Variants in TBX20 observed in about 807,000 individuals in gnomAD.
TBX20 encodes T-box transcription factor 20.
Under a neutral mutation model 42.9 loss-of-function variants are expected in TBX20, and 8 were observed. The ratio of observed to expected loss-of-function variants is 0.19; its 90% CI spans 0.11 to 0.34. The LOEUF (loss-of-function observed/expected upper bound fraction) is 0.34. Among genes scored for constraint, TBX20 ranks in the 10% least tolerant of loss-of-function variants. The pLI, the probability that TBX20 is intolerant of heterozygous loss-of-function variation, is 1.00. For missense variants in TBX20, 411 were observed against 566.0 expected (o/e 0.73, Z 2.78); for synonymous variants, 198 against 222.8 (o/e 0.89, Z 0.99).
At chr7:35,239,591 T>C (rs1196504096) in intron 5 of TBX20, among the ~76,000 whole-genome samples, 1 of 152,216 alleles carries the variant, frequency 6.6e-6, no homozygotes, top group Admixed American at 6.5e-5. Context: ...CTGTGGAGTG[T>C]AGTACTGCCA....
chr7:35,219,475 A>G (rs1789644273), intron 6 of TBX20, among the ~76,000 whole-genome samples: 1 of 152,220 alleles, frequency 6.6e-6, no homozygotes, highest in African/African-American at 2.4e-5. Context: ...CAACCATTTA[A>G]AGAGGTAAAA....
At chr7:35,242,147 C>G (rs929903417) in intron 4 of TBX20, among the ~76,000 whole-genome samples, 1 of 152,164 alleles carries the variant, frequency 6.6e-6, no homozygotes, top group Non-Finnish European at 1.5e-5. Flanking sequence ...CTAACCTGGG[C>G]AAGGGGCATG....
chr7:35,213,240 T>C (rs1030568461), intron 6 of TBX20, among the ~76,000 whole-genome samples: 1 of 152,214 alleles, frequency 6.6e-6, no homozygotes, highest in Non-Finnish European at 1.5e-5. Flanking sequence ...CCTTGTGGCT[T>C]TACCTTTACT....
intron 1 of TBX20, among the ~76,000 whole-genome samples, chr7:35,252,231 C>T (rs1490411273): frequency 6.6e-6 from 1 of 152,032 alleles, no homozygotes; most frequent in Non-Finnish European, 1.5e-5. Flanking sequence ...GTTGAGAAGT[C>T]GCACAATATA....
chr7:35,237,777 C>A (rs2191884), intron 5 of TBX20, among the ~76,000 whole-genome samples: 55,584 of 151,756 alleles, frequency 0.37, 10,453 homozygotes, highest in Admixed American at 0.46. Context: ...TTGGATACAG[C>A]GAGTACTAGC....
chr7:35,204,065 C>CA (rs1471086812), intron 7 of TBX20, among the ~76,000 whole-genome samples: 5 of 152,128 alleles, frequency 3.3e-5, no homozygotes, highest in African/African-American at 1.2e-4. Flanking sequence ...TTGATTCTAA[C>CA]AAATTATACC....
intron 4 of TBX20, among the ~76,000 whole-genome samples, chr7:35,242,690 C>T (rs1223914904): frequency 6.6e-6 from 1 of 152,178 alleles, no homozygotes; most frequent in Admixed American, 6.5e-5. Context: ...TGGACAGACT[C>T]AGACCCCAGA....
intron 6 of TBX20, among the ~76,000 whole-genome samples, chr7:35,209,230 A>C (rs1789453547): frequency 1.3e-5 from 2 of 152,060 alleles, no homozygotes; most frequent in Non-Finnish European, 2.9e-5. Flanking sequence ...CCTCCTCTTC[A>C]ATTTTCTAGA....
At chr7:35,210,337 G>A (rs1259611435) in intron 6 of TBX20, among the ~76,000 whole-genome samples, 5 of 151,622 alleles carry the variant, frequency 3.3e-5, no homozygotes, top group South Asian at 4.2e-4. Flanking sequence ...GGATGGTCTC[G>A]ATCTCCTGAC....
intron 6 of TBX20, among the ~76,000 whole-genome samples, chr7:35,206,283 C>T (rs1477505289): frequency 6.6e-6 from 1 of 152,238 alleles, no homozygotes; most frequent in Non-Finnish European, 1.5e-5. Flanking sequence ...GCCGGTGGCT[C>T]ACACCTGTAA....
intron 5 of TBX20, among the ~76,000 whole-genome samples, chr7:35,239,258 A>C (rs1790028296): frequency 6.6e-6 from 1 of 152,054 alleles, no homozygotes; most frequent in African/African-American, 2.4e-5. Flanking sequence ...GCCTTTCCCG[A>C]GGGTCTCCAC....
intron 4 of TBX20, among the ~76,000 whole-genome samples, chr7:35,241,603 G>C (rs1307168797): frequency 6.6e-6 from 1 of 152,156 alleles, no homozygotes; most frequent in Non-Finnish European, 1.5e-5. Context: ...TAACCTTGTA[G>C]GGCTGGCACA....
chr7:35,233,007 C>A (rs913601205), intron 5 of TBX20, among the ~76,000 whole-genome samples: 4 of 152,194 alleles, frequency 2.6e-5, no homozygotes, highest in African/African-American at 9.6e-5. Flanking sequence ...GCGACAAGAG[C>A]GAGAGAAAGA....
chr7:35,225,967 T>C (rs567204801), intron 6 of TBX20, among the ~76,000 whole-genome samples: 1 of 152,242 alleles, frequency 6.6e-6, no homozygotes, highest in South Asian at 2.1e-4. Context: ...AGAACTAGTA[T>C]GCATAAGAAT....
intron 6 of TBX20, among the ~76,000 whole-genome samples, chr7:35,208,357 T>C (rs560423743): frequency 2.0e-5 from 3 of 152,314 alleles, no homozygotes; most frequent in South Asian, 4.1e-4. Flanking sequence ...TACACAAAGA[T>C]AGTTTTACTT....
rs114191193 is a variant in TBX20 at position 35,226,509 on chromosome 7, C to T, written c.890+4995G>A. ...AAAGATGAAAAGACAACGATCATGT[C>T]GGACAAAGATGTAAAGGAATGGTAA... On this transcript the variant is annotated intron_variant, in intron 6 of 7. Transcript: ENST00000408931. Among the ~76,000 whole-genome samples the T allele has an allele frequency of 6.3e-3, 954 of 151,832 alleles. 6 individuals carry two copies. The highest frequency in any genetic ancestry group is 0.022 in the African/African-American group (906 of 41,398).
At chr7:35,211,087 T>G (rs1242681429) in intron 6 of TBX20, among the ~76,000 whole-genome samples, 2 of 152,130 alleles carry the variant, frequency 1.3e-5, no homozygotes, top group African/African-American at 2.4e-5. Context: ...TAAATATCTT[T>G]AAGTTGTCAC....
At position 35,245,054 on chromosome 7, in the gene TBX20, G is replaced by C. The variant is rs1463237905; in HGVS notation, c.549C>G (p.Leu183=). The C allele has an allele frequency of 2.5e-6, 4 of 1,610,636 alleles. No individual in the cohort carries two copies. Among genetic ancestry groups the C allele is most frequent in the South Asian group, 1.1e-5 (1 of 90,834 alleles). ...TAAAAGGAGAATCTGGATGCACATA[G>C]AGCCTAAGAAAATTAGGAGAAAACT... The part of the protein sequence containing the change: ...GKADPPLPAR[L]YVHPDSPFTG... The change falls in exon 4 of 8, where the codon CTC becomes CTG. Residue 183 remains leucine (L), a synonymous_variant. Coordinates refer to ENST00000408931, the MANE Select transcript of TBX20 (RefSeq NM_001077653.2).
intron 5 of TBX20, among the ~76,000 whole-genome samples, chr7:35,237,663 A>G (rs1310532291): frequency 2.0e-5 from 3 of 152,184 alleles, no homozygotes; most frequent in Non-Finnish European, 4.4e-5. Flanking sequence ...GGTTCATTTT[A>G]CTATTTGTTT....
Sources: gnomAD v4.1 joint callset for allele counts (sites outside exome capture counted in the v4.1 genomes callset) on GRCh38, gnomAD v4.1.1 for gene constraint, MANE v1.5 for transcripts, NCBI Gene and HGNC (gene_info 2026-07-23, HGNC 2026-07-21) for gene names.